TBC1D5: variants seen among roughly 807,000 people sequenced by gnomAD.
TBC1D5 encodes the protein TBC1 domain family member 5, also known as TBC1 domain family, member 5.
Under a neutral mutation model 100.3 loss-of-function variants are expected in TBC1D5, and 75 were observed. The ratio of observed to expected loss-of-function variants is 0.75; its 90% CI spans 0.62 to 0.91. The LOEUF (loss-of-function observed/expected upper bound fraction) is 0.91. Ranked by LOEUF, TBC1D5 falls within the 40% of genes least tolerant of loss-of-function variation. The pLI, the probability that TBC1D5 is intolerant of heterozygous loss-of-function variation, is 0.00. For synonymous variants in TBC1D5, 323 were observed against 325.6 expected, an observed-to-expected ratio of 0.99 and a Z score of 0.09; for missense variants, 910 against 942.4, an observed-to-expected ratio of 0.97 and a Z score of 0.45.
intron 1 of TBC1D5, among the ~76,000 whole-genome samples, chr3:17,628,088 G>A (rs564196355): frequency 1.6e-4 from 24 of 152,088 alleles, no homozygotes; most frequent in Middle Eastern, 6.8e-3. Flanking sequence ...CACACACTCC[G>A]CCGGGTGTGG....
At chr3:17,371,737 T>C (rs561265037) in intron 13 of TBC1D5, among the ~76,000 whole-genome samples, 1 of 152,228 alleles carries the variant, frequency 6.6e-6, no homozygotes, top group South Asian at 2.1e-4. Context: ...GAAACTACTA[T>C]ATAATTAGAT....
In TBC1D5 at chr3:17,486,456, G is replaced by A. The variant is rs567834252; in HGVS notation, c.97+22018C>T. Reference sequence around the variant, plus strand: ...GGTAATGCCTAGGTTTTCTTCTAGGGTTTTGATGGTTTTAGGTCTAACGTT... The same window carrying A: ...GGTAATGCCTAGGTTTTCTTCTAGGATTTTGATGGTTTTAGGTCTAACGTT... On this transcript the variant is annotated intron_variant, in intron 3 of 21. Coordinates refer to ENST00000253692, the Ensembl canonical transcript of TBC1D5. Among the ~76,000 whole-genome samples the A allele has an allele frequency of 1.7e-4, 26 of 152,248 alleles. No individual in the cohort carries two copies. The East Asian group carries it at 4.8e-3, about 28-fold the overall frequency.
At chr3:17,255,929 G>A (rs550742702) in intron 16 of TBC1D5, among the ~76,000 whole-genome samples, 2 of 152,118 alleles carry the variant, frequency 1.3e-5, no homozygotes, top group Non-Finnish European at 2.9e-5. Context: ...CCAGCTACTT[G>A]GGAGGCTGAG....
chr3:17,641,406 G>C (rs1256324785), intron 1 of TBC1D5, among the ~76,000 whole-genome samples: 4 of 152,186 alleles, frequency 2.6e-5, no homozygotes, highest in African/African-American at 9.6e-5. Flanking sequence ...AATCTTGGCT[G>C]CAAGATTTTG....
intron 3 of TBC1D5, among the ~76,000 whole-genome samples, chr3:17,475,179 G>A (rs7615612): frequency 1.4e-5 from 2 of 139,700 alleles, no homozygotes; most frequent in Non-Finnish European, 3.0e-5. Context: ...ACCTTGCCCC[G>A]CCCCACCCGT....
At chr3:17,735,930 A>G (rs984582313) in intron 1 of TBC1D5, among the ~76,000 whole-genome samples, 2 of 152,184 alleles carry the variant, frequency 1.3e-5, no homozygotes, top group Non-Finnish European at 2.9e-5. Flanking sequence ...CATACAAGGG[A>G]GGGGACCCAA....
At chr3:17,348,207 G>A (rs2090143727) in intron 13 of TBC1D5, among the ~76,000 whole-genome samples, 1 of 152,152 alleles carries the variant, frequency 6.6e-6, no homozygotes, top group Non-Finnish European at 1.5e-5. Context: ...TGTATTTGCT[G>A]AAAATCACCT....
intron 2 of TBC1D5, among the ~76,000 whole-genome samples, chr3:17,517,038 A>G (rs2095999111): frequency 6.6e-6 from 1 of 152,336 alleles, no homozygotes; most frequent in Non-Finnish European, 1.5e-5. Context: ...TTTTCCTGGA[A>G]TATATCTAAT....
At chr3:17,363,031 T>C (rs867329887) in intron 13 of TBC1D5, among the ~76,000 whole-genome samples, 1 of 152,200 alleles carries the variant, frequency 6.6e-6, no homozygotes, top group Non-Finnish European at 1.5e-5. Context: ...ATTGACCTTT[T>C]CAAAGAAACA....
At chr3:17,616,930 T>G (rs1474068787) in intron 2 of TBC1D5, among the ~76,000 whole-genome samples, 1 of 152,226 alleles carries the variant, frequency 6.6e-6, no homozygotes, top group Non-Finnish European at 1.5e-5. Context: ...ATCCTGTCAT[T>G]ATGATGTTCA....
chr3:17,375,952 C>A (rs2092690549), intron 10 of TBC1D5, among the ~76,000 whole-genome samples: 1 of 152,082 alleles, frequency 6.6e-6, no homozygotes, highest in African/African-American at 2.4e-5. Context: ...CTGAAGGCCC[C>A]AAAGTTAGGG....
chr3:17,266,180 G>A (rs2078828425), intron 15 of TBC1D5, among the ~76,000 whole-genome samples: 2 of 152,004 alleles, frequency 1.3e-5, no homozygotes, highest in Admixed American at 1.3e-4. Flanking sequence ...TTGCTAGAGG[G>A]TTCACAAAGG....
chr3:17,348,488 G>GT (rs1380959294), intron 13 of TBC1D5, among the ~76,000 whole-genome samples: 1 of 152,222 alleles, frequency 6.6e-6, no homozygotes, highest in Non-Finnish European at 1.5e-5. Flanking sequence ...ACTCTGAGTA[G>GT]TAAGGGATGA....
intron 17 of TBC1D5, among the ~76,000 whole-genome samples, chr3:17,228,683 G>C (rs577591803): frequency 6.7e-6 from 1 of 149,434 alleles, no homozygotes; most frequent in Admixed American, 6.6e-5. Flanking sequence ...CATCTGCAGA[G>C]AAGTTATCTT....
chr3:17,377,339 TA>T (rs774246258), intron 9 of TBC1D5, among the ~76,000 whole-genome samples: 41 of 152,050 alleles, frequency 2.7e-4, no homozygotes, highest in Non-Finnish European at 5.3e-4. Flanking sequence ...AAGCTGTCCT[TA>T]AAAGGGTACT....
At chr3:17,527,300 T>C (rs549952627) in intron 2 of TBC1D5, among the ~76,000 whole-genome samples, 3 of 152,280 alleles carry the variant, frequency 2.0e-5, no homozygotes, top group African/African-American at 7.2e-5. Context: ...AGCCACATGA[T>C]AACCTGAAAG....
At position 17,329,217 on chromosome 3, in the gene TBC1D5, A is replaced by T. The variant is rs533609270; in HGVS notation, c.996-21083T>A. Among the ~76,000 whole-genome samples, 3 of 152,344 alleles carry T rather than the reference A, an allele frequency of 2.0e-5. No homozygotes were observed. The South Asian group carries it at 6.2e-4, about 32-fold the overall frequency. ...TAATATCCGTGGTGATAACTTGATT[A>T]CTTCAGAATTATTGTTCTAAGTCTT... On this transcript the variant is annotated intron_variant, in intron 13 of 21. Coordinates refer to ENST00000253692, the Ensembl canonical transcript of TBC1D5.
chr3:17,402,323 A>G (rs2093669098), intron 8 of TBC1D5, among the ~76,000 whole-genome samples: 1 of 152,188 alleles, frequency 6.6e-6, no homozygotes. Flanking sequence ...GCAAAGCTGC[A>G]GAAGTACTTG....
exon 22 of TBC1D5, chr3:17,160,123 T>G (rs2065908814): frequency 6.6e-6 from 1 of 152,252 alleles, no homozygotes. Flanking sequence ...TATTCTTATA[T>G]CTTTTGAAAT....
Sources: gnomAD v4.1 joint callset for allele counts (sites outside exome capture counted in the v4.1 genomes callset) on GRCh38, gnomAD v4.1.1 for gene constraint, MANE v1.5 for transcripts, NCBI Gene and HGNC (gene_info 2026-07-23, HGNC 2026-07-21) for gene names.